The following IMMP2L variants were observed in gnomAD, a reference collection of about 807,000 sequenced individuals.
The protein encoded by IMMP2L is inner mitochondrial membrane peptidase subunit 2.
Under a neutral mutation model 19.3 loss-of-function variants are expected in IMMP2L, and 18 were observed. The ratio of observed to expected loss-of-function variants is 0.93; its 90% CI spans 0.64 to 1.38. IMMP2L has a LOEUF of 1.38. IMMP2L is among the 40% of genes most tolerant of loss of function. The pLI is 0.00. For missense variants in IMMP2L, 233 were observed against 218.2 expected, an observed-to-expected ratio of 1.07 and a Z score of -0.43; for synonymous variants, 76 against 73.0, an observed-to-expected ratio of 1.04 and a Z score of -0.21.
chr7:110,874,213 A>G (rs1808833632), intron 5 of IMMP2L, among the ~76,000 whole-genome samples: 1 of 152,098 alleles, frequency 6.6e-6, no homozygotes, highest in Non-Finnish European at 1.5e-5. Context: ...GGGGAATTTC[A>G]GGAATTAAAA....
At chr7:111,207,615 A>C (rs1810862799) in intron 3 of IMMP2L, among the ~76,000 whole-genome samples, 1 of 143,526 alleles carries the variant, frequency 7.0e-6, no homozygotes, top group Non-Finnish European at 1.5e-5. Context: ...CCCTCACTGC[A>C]ACCTCAGCCT....
chr7:110,937,294 G>C (rs530164860), intron 4 of IMMP2L, among the ~76,000 whole-genome samples: 2 of 152,324 alleles, frequency 1.3e-5, no homozygotes, highest in South Asian at 4.1e-4. Context: ...GTAGGGTGGT[G>C]ATGTGAATAT....
chr7:110,865,577 A>G (rs1807901252), intron 5 of IMMP2L, among the ~76,000 whole-genome samples: 1 of 152,070 alleles, frequency 6.6e-6, no homozygotes, highest in Non-Finnish European at 1.5e-5. Context: ...TTCTAGAGAT[A>G]GATTAAATAA....
At chr7:110,963,051 G>T (rs1219821905) in intron 4 of IMMP2L, 8 of 1,523,096 alleles carry the variant, frequency 5.3e-6, no homozygotes, top group Non-Finnish European at 5.3e-6. Flanking sequence ...CACTGATTCG[G>T]AAGTTTCTGT....
At chr7:110,884,318 C>G (rs909558905) in intron 5 of IMMP2L, among the ~76,000 whole-genome samples, 8 of 151,876 alleles carry the variant, frequency 5.3e-5, no homozygotes, top group African/African-American at 1.9e-4. Flanking sequence ...GAGAGAAATG[C>G]TTAGAAAATA....
chr7:110,749,750 T>C (rs950836554), intron 5 of IMMP2L, among the ~76,000 whole-genome samples: 3 of 151,864 alleles, frequency 2.0e-5, no homozygotes, highest in Admixed American at 6.6e-5. Context: ...CTGTCAGGGG[T>C]TGGGGGCCCA....
chr7:110,936,968 C>T (rs868533107), intron 4 of IMMP2L, among the ~76,000 whole-genome samples: 17 of 152,002 alleles, frequency 1.1e-4, no homozygotes, highest in African/African-American at 4.1e-4. Flanking sequence ...AAACAGAAAA[C>T]TGCATGTTCT....
chr7:111,411,743 C>A (rs1834451984), intron 3 of IMMP2L: 1 of 199,252 alleles, frequency 5.0e-6, no homozygotes, highest in Non-Finnish European at 1.1e-5. Context: ...GGAGTCTCTA[C>A]TCTCTCTCTA....
At chr7:110,822,761 C>A (rs1391569367) in intron 5 of IMMP2L, among the ~76,000 whole-genome samples, 1 of 152,052 alleles carries the variant, frequency 6.6e-6, no homozygotes, top group East Asian at 1.9e-4. Context: ...AGTGAGGAAG[C>A]CCAAGTTTAA....
chr7:110,745,967 A>G (rs1797314096), intron 5 of IMMP2L, among the ~76,000 whole-genome samples: 1 of 152,176 alleles, frequency 6.6e-6, no homozygotes, highest in South Asian at 2.1e-4. Flanking sequence ...AAATTGGATG[A>G]AGAGTCAAGA....
intron 3 of IMMP2L, among the ~76,000 whole-genome samples, chr7:111,258,889 G>A (rs184010045): frequency 5.8e-4 from 88 of 151,992 alleles, no homozygotes; most frequent in Middle Eastern, 3.4e-3. Context: ...ACTAAATGAG[G>A]AAATAAAATA....
At chr7:110,896,210 T>A (rs1016636697) in intron 4 of IMMP2L, among the ~76,000 whole-genome samples, 1 of 152,142 alleles carries the variant, frequency 6.6e-6, no homozygotes, top group Non-Finnish European at 1.5e-5. Context: ...TATAGCATAA[T>A]TACAGACATT....
At chr7:111,271,925 T>C (rs935468436) in intron 3 of IMMP2L, among the ~76,000 whole-genome samples, 1 of 152,174 alleles carries the variant, frequency 6.6e-6, no homozygotes, top group East Asian at 1.9e-4. Context: ...CCAACCTGTC[T>C]ACTTCATCTC....
chr7:111,506,830 T>C (rs1844955191), intron 2 of IMMP2L, among the ~76,000 whole-genome samples: 1 of 146,076 alleles, frequency 6.8e-6, no homozygotes, highest in African/African-American at 2.8e-5. Flanking sequence ...CTTTCTGAGG[T>C]TTTTTTTGTT....
intron 1 of IMMP2L, among the ~76,000 whole-genome samples, chr7:111,560,107 A>G (rs1017252641): frequency 1.3e-5 from 2 of 152,224 alleles, no homozygotes; most frequent in African/African-American, 4.8e-5. Flanking sequence ...CTGCATATTT[A>G]GTATGTGTAT....
intron 4 of IMMP2L, among the ~76,000 whole-genome samples, chr7:110,953,177 T>G (rs1451054367): frequency 6.6e-6 from 1 of 152,164 alleles, no homozygotes; most frequent in Non-Finnish European, 1.5e-5. Flanking sequence ...TCTAATCTTT[T>G]TTTATATACT....
chr7:111,490,446 C>A (rs1843002664), intron 2 of IMMP2L, among the ~76,000 whole-genome samples: 1 of 151,550 alleles, frequency 6.6e-6, no homozygotes, highest in Non-Finnish European at 1.5e-5. Flanking sequence ...TCCGGGTTAC[C>A]CTTTTCCCAG....
In IMMP2L at chr7:111,151,570, G is replaced by A. The variant is rs183977049; in HGVS notation, c.240-188005C>T. 1.8e-3 allele frequency among the ~76,000 whole-genome samples: 276 copies of A among 152,192 alleles called. 2 individuals carry two copies. Among genetic ancestry groups the A allele is most frequent in the Non-Finnish European group, 5.9e-4 (40 of 68,016 alleles). On this transcript the variant is annotated intron_variant, in intron 3 of 5. Coordinates refer to ENST00000405709, the MANE Select transcript of IMMP2L (RefSeq NM_032549.4). ...GTGGACCTCCTAATTTTACCAAAAC[G>A]TAACATGTGGACCTCCTCTTTTGAA...
intron 2 of IMMP2L, among the ~76,000 whole-genome samples, chr7:111,496,871 A>G (rs1416328990): frequency 6.6e-6 from 1 of 151,332 alleles, no homozygotes; most frequent in African/African-American, 2.4e-5. Context: ...CAATTCCCCT[A>G]ATAAATTCCC....
Sources: gnomAD v4.1 joint callset for allele counts (sites outside exome capture counted in the v4.1 genomes callset) on GRCh38, gnomAD v4.1.1 for gene constraint, MANE v1.5 for transcripts, NCBI Gene and HGNC (gene_info 2026-07-23, HGNC 2026-07-21) for gene names.